The following RIMS1 variants were observed in gnomAD, a reference collection of about 807,000 sequenced individuals.
RIMS1 encodes regulating synaptic membrane exocytosis protein 1.
Under a neutral mutation model 214.1 loss-of-function variants are expected in RIMS1, and 83 were observed. The ratio of observed to expected loss-of-function variants is 0.39; its 90% CI spans 0.32 to 0.47. The LOEUF (loss-of-function observed/expected upper bound fraction) is 0.47, where lower values mean the gene tolerates loss of function less well. Among genes scored for constraint, RIMS1 ranks in the 20% least tolerant of loss-of-function variants. The probability of loss-of-function intolerance (pLI) is 0.99; values close to 1 mark genes in which losing one functional copy is unlikely to be tolerated. For missense variants in RIMS1, 2,050 were observed against 2,161.8 expected (o/e 0.95, Z 1.03); for synonymous variants, 793 against 786.8 (o/e 1.01, Z -0.13).
chr6:72,132,268 G>A (rs1320516207), intron 4 of RIMS1, among the ~76,000 whole-genome samples: 1 of 152,168 alleles, frequency 6.6e-6, no homozygotes, highest in African/African-American at 2.4e-5. Context: ...AGAGATTGCA[G>A]TAAAGACAGG....
At chr6:71,961,410 A>G (rs1409988001) in intron 1 of RIMS1, among the ~76,000 whole-genome samples, 3 of 151,316 alleles carry the variant, frequency 2.0e-5, no homozygotes, top group Admixed American at 6.6e-5. Flanking sequence ...CTCTTTCTGT[A>G]TCTTTAACTT....
At chr6:72,336,871 C>G (rs1055401256) in intron 29 of RIMS1, among the ~76,000 whole-genome samples, 4 of 151,728 alleles carry the variant, frequency 2.6e-5, no homozygotes, top group African/African-American at 9.7e-5. Flanking sequence ...TCTTTCATCT[C>G]TCCTACAGAG....
rs147383900 is a variant in RIMS1 at position 72,398,175 on chromosome 6, G to A, written c.4619-74G>A. On this transcript the variant is annotated intron_variant, in intron 31 of 33. Transcript: ENST00000521978. ...AAGATAAAAATCTGTAGTCTGTTAC[G>A]GGCTCTCCTTTTTGTTTTAACTGCA... 573 of 852,324 alleles carry A rather than the reference G, an allele frequency of 6.7e-4. 4 individuals are homozygous for A. In the African/African-American group the frequency reaches 8.3e-3, roughly 12 times the overall value. The allele number at this position is 852,324 out of a possible 1,614,324, so 52.8% of individuals were successfully genotyped here.
At chr6:71,889,038 C>G (rs1768744431) in intron 1 of RIMS1, among the ~76,000 whole-genome samples, 1 of 152,170 alleles carries the variant, frequency 6.6e-6, no homozygotes, top group Non-Finnish European at 1.5e-5. Context: ...TCCTGAACAC[C>G]TTTTCGGCTT....
At chr6:72,156,280 G>T (rs766320727) in intron 4 of RIMS1, among the ~76,000 whole-genome samples, 2 of 140,496 alleles carry the variant, frequency 1.4e-5, no homozygotes, top group Middle Eastern at 3.6e-3. Context: ...AATATTATTC[G>T]GCCTTAAAAA....
Position 72,401,051 on chromosome 6 carries a change from C to A in RIMS1, c.*337C>A. 4.5e-6 allele frequency: 1 copy of A among 223,454 alleles called. No individual in the cohort carries two copies. The highest frequency in any genetic ancestry group is 9.1e-6 in the Non-Finnish European group (1 of 110,366). 13.8% of individuals were successfully genotyped at this position (223,454 alleles called of 1,614,324 possible). A position where few individuals can be genotyped will look rare whatever the true frequency, so the allele number is the denominator to read the frequency against. The stretch of plus-strand genomic sequence containing the variant: ...AAATTGAACAAACTGGAAACTCTCA[C>A]TCTGTGAAAAGTTGTATTCTACACA... On this transcript the variant is annotated 3_prime_UTR_variant, in exon 34 of 34. Transcript: ENST00000521978.
intron 8 of RIMS1, 117 bp downstream of exon 8, chr6:72,235,845 G>T (rs992185414): frequency 3.9e-5 from 18 of 457,140 alleles, no homozygotes; most frequent in Non-Finnish European, 6.8e-5. Flanking sequence ...TAATTTTATT[G>T]ATATAGCATA....
intron 6 of RIMS1, among the ~76,000 whole-genome samples, chr6:72,201,424 A>T (rs1417951397): frequency 1.3e-5 from 2 of 152,214 alleles, no homozygotes; most frequent in African/African-American, 4.8e-5. Flanking sequence ...GTATCCTTTT[A>T]AAATGCAGAA....
chr6:72,309,835 G>C (rs1046239928), intron 27 of RIMS1, among the ~76,000 whole-genome samples: 2 of 151,856 alleles, frequency 1.3e-5, no homozygotes, highest in African/African-American at 4.8e-5. Context: ...ATGTCAAGTA[G>C]AAGATAAAAT....
intron 1 of RIMS1, among the ~76,000 whole-genome samples, chr6:71,897,222 C>G (rs970255313): frequency 1.3e-5 from 2 of 152,152 alleles, no homozygotes; most frequent in Non-Finnish European, 2.9e-5. Context: ...AATGTAGGCT[C>G]TCTTCAGTAC....
chr6:72,300,150 G>C (rs1261690487), intron 26 of RIMS1, among the ~76,000 whole-genome samples: 1 of 151,574 alleles, frequency 6.6e-6, no homozygotes, highest in Non-Finnish European at 1.5e-5. Context: ...GATCCCAGAG[G>C]GTTAAGCAGA....
chr6:72,148,312 T>C (rs2043020067), intron 4 of RIMS1, among the ~76,000 whole-genome samples: 1 of 152,092 alleles, frequency 6.6e-6, no homozygotes, highest in African/African-American at 2.4e-5. Flanking sequence ...TGGTTAACCA[T>C]CTGGAAAAAG....
At chr6:72,152,879 T>C (rs1374675138) in intron 4 of RIMS1, among the ~76,000 whole-genome samples, 4 of 128,972 alleles carry the variant, frequency 3.1e-5, no homozygotes, top group Non-Finnish European at 6.5e-5. Flanking sequence ...ATATATGGAA[T>C]ATATGTATAT....
chr6:72,184,079 G>T (rs1027562456), intron 6 of RIMS1, among the ~76,000 whole-genome samples: 1 of 152,162 alleles, frequency 6.6e-6, no homozygotes, highest in Non-Finnish European at 1.5e-5. Flanking sequence ...AAAATGCCCT[G>T]TGATGCTTAT....
intron 29 of RIMS1, among the ~76,000 whole-genome samples, chr6:72,380,749 C>G (rs1019338004): frequency 3.3e-5 from 5 of 152,006 alleles, no homozygotes; most frequent in African/African-American, 4.8e-5. Context: ...CCAGACTGGT[C>G]TTGAACTCCC....
rs1263011783 is a variant in RIMS1 at position 72,197,186 on chromosome 6, C to A, written c.1678+14037C>A. Among the ~76,000 whole-genome samples, 4 of 152,080 alleles carry A rather than the reference C, an allele frequency of 2.6e-5. No individual in the cohort carries two copies. The East Asian group carries it at 7.7e-4, about 29-fold the overall frequency. On this transcript the variant is annotated intron_variant, in intron 6 of 33. Coordinates refer to ENST00000521978, the MANE Select transcript of RIMS1 (RefSeq NM_014989.7). Reference sequence around the variant, plus strand: ...AGTGAAAGCTATCCATTCACATACTCTATTCACAAATGTCAGAGATACACT... The same window carrying A: ...AGTGAAAGCTATCCATTCACATACTATATTCACAAATGTCAGAGATACACT...
chr6:72,148,902 G>A (rs1265125036), intron 4 of RIMS1, among the ~76,000 whole-genome samples: 13 of 151,978 alleles, frequency 8.6e-5, no homozygotes, highest in Admixed American at 8.5e-4. Context: ...GAGTGCTAAG[G>A]TGAAGTTGTG....
At chr6:72,310,995 A>G (rs1286017411) in intron 27 of RIMS1, among the ~76,000 whole-genome samples, 2 of 152,122 alleles carry the variant, frequency 1.3e-5, no homozygotes, top group Non-Finnish European at 2.9e-5. Context: ...AAGATGGCTT[A>G]AGTAAAGCCA....
At position 71,886,937 on chromosome 6, in the gene RIMS1, G is replaced by C; in HGVS notation, c.-87G>C. 6.7e-7 allele frequency: 1 copy of C among 1,490,154 alleles called. No individual in the cohort carries two copies. The highest frequency in any genetic ancestry group is 9.1e-7 in the Non-Finnish European group (1 of 1,096,200). 92.3% of individuals were successfully genotyped at this position (1,490,154 alleles called of 1,614,324 possible). On this transcript the variant is annotated 5_prime_UTR_variant, in exon 1 of 34. An upstream open reading frame in the 5' UTR loses its in-frame stop. Coordinates refer to ENST00000521978, the MANE Select transcript of RIMS1 (RefSeq NM_014989.7). ...GCCGCCGCCGCTAGGGCTCCGCTGT[G>C]AGGGGGAAGCAGGGGCGCAGCTGCT...
Sources: allele counts gnomAD v4.1 joint callset (sites outside exome capture counted in the v4.1 genomes callset), GRCh38; gene constraint gnomAD v4.1.1; transcripts MANE v1.5; gene names NCBI Gene and HGNC (gene_info 2026-07-23, HGNC 2026-07-21).